Variants in TRIM71 observed in about 807,000 individuals in gnomAD.
TRIM71 encodes the protein tripartite motif containing 71, also known as E3 ubiquitin-protein ligase TRIM71.
In TRIM71, 9 loss-of-function variants were observed where a neutral mutation model predicts 61.2. The ratio of observed to expected loss-of-function variants is 0.15; its 90% confidence interval spans 0.09 to 0.26. The LOEUF (loss-of-function observed/expected upper bound fraction) is 0.26, where lower values mean the gene tolerates loss of function less well. Among genes scored for constraint, TRIM71 ranks in the 10% least tolerant of loss-of-function variants. The pLI is 1.00. For synonymous variants in TRIM71, 645 were observed against 553.2 expected (o/e 1.17, Z -2.33); for missense variants, 998 against 1,238.7 (o/e 0.81, Z 2.92).
At chr3:32,873,691 T>G in intron 1 of TRIM71, 127 bp from the exon 2 acceptor site, 1 of 829,018 alleles carries the variant, frequency 1.2e-6, no homozygotes, top group African/African-American at 1.7e-5. Flanking sequence ...CCTCTCCCTT[T>G]GGGGTGTGCT....
intron 1 of TRIM71, among the ~76,000 whole-genome samples, chr3:32,835,403 CTG>C (rs1696323515): frequency 2.0e-5 from 3 of 152,082 alleles, no homozygotes; most frequent in Admixed American, 1.3e-4. Flanking sequence ...GGTTGGCTCA[CTG>C]TGAACAGAAA....
Position 32,885,922 on chromosome 3 carries a change from T to C in TRIM71, c.1021-12T>C. ...TCTAATGCCTCGAAGTTGTTTCTTT[T>C]TGGTTTTCCAGCTGAGCATCGAGCA... is the stretch of plus-strand genomic sequence containing the variant. On this transcript the variant is annotated splice_polypyrimidine_tract_variant and intron_variant, in intron 2 of 3. Coordinates refer to ENST00000383763, the MANE Select transcript of TRIM71 (RefSeq NM_001039111.3). 6.2e-7 allele frequency: 1 copy of C among 1,608,358 alleles called. No homozygotes were observed. Among genetic ancestry groups the C allele is most frequent in the Non-Finnish European group, 8.5e-7 (1 of 1,178,238 alleles).
chr3:32,843,593 G>A (rs971134802), intron 1 of TRIM71, among the ~76,000 whole-genome samples: 1 of 152,182 alleles, frequency 6.6e-6, no homozygotes, highest in Non-Finnish European at 1.5e-5. Flanking sequence ...TTCCCTGCCA[G>A]CTAATCCCCG....
At chr3:32,876,767 T>G (rs1324683931) in intron 2 of TRIM71, among the ~76,000 whole-genome samples, 1 of 152,138 alleles carries the variant, frequency 6.6e-6, no homozygotes, top group African/African-American at 2.4e-5. Context: ...AAAAATGAGT[T>G]GTAACAATTT....
chr3:32,856,175 G>T (rs879823770), intron 1 of TRIM71, among the ~76,000 whole-genome samples: 1 of 151,956 alleles, frequency 6.6e-6, no homozygotes, highest in African/African-American at 2.4e-5. Flanking sequence ...CCGCCACCAC[G>T]CCCGGCTATT....
At chr3:32,882,582 C>A (rs1216927517) in intron 2 of TRIM71, among the ~76,000 whole-genome samples, 1 of 151,936 alleles carries the variant, frequency 6.6e-6, no homozygotes, top group Non-Finnish European at 1.5e-5. Context: ...CTTGCTCTGT[C>A]ACCCAGGCTG....
rs112115324 is a variant in TRIM71 at position 32,819,479 on chromosome 3, GT to G, written c.852+554del. ...GTGCGCACTTGTGAGGGGAAGACTG[GT>G]TTTTTTGTTGTTGGGACAGCATGGC... On this transcript the variant is annotated intron_variant, in intron 1 of 3. Transcript: ENST00000383763. Among the ~76,000 whole-genome samples the G allele has an allele frequency of 3.5e-3, 539 of 152,322 alleles. 6 individuals are homozygous for G. The highest frequency in any genetic ancestry group is 0.012 in the African/African-American group (486 of 41,570).
intron 1 of TRIM71, among the ~76,000 whole-genome samples, chr3:32,846,362 A>G (rs958057789): frequency 6.6e-6 from 1 of 152,240 alleles, no homozygotes; most frequent in Admixed American, 6.5e-5. Context: ...GGCGTGAGCC[A>G]CTATGCCTGG....
chr3:32,874,095 A>C, intron 2 of TRIM71, 110 bp downstream of exon 2: 1 of 1,179,148 alleles, frequency 8.5e-7, no homozygotes. Flanking sequence ...TGGAATAGTG[A>C]CCCAAATGAG....
At chr3:32,882,592 G>C (rs1559550442) in intron 2 of TRIM71, among the ~76,000 whole-genome samples, 1 of 152,034 alleles carries the variant, frequency 6.6e-6, no homozygotes, top group Non-Finnish European at 1.5e-5. Flanking sequence ...CACCCAGGCT[G>C]GGGGGCGCGG....
chr3:32,886,866 C>T (rs1461483367), intron 3 of TRIM71, among the ~76,000 whole-genome samples: 1 of 152,192 alleles, frequency 6.6e-6, no homozygotes, highest in Non-Finnish European at 1.5e-5. Context: ...CTGGATTTTG[C>T]ATTGCATTTT....
chr3:32,884,540 GAAAA>G (rs11339536), intron 2 of TRIM71, among the ~76,000 whole-genome samples: 1 of 138,446 alleles, frequency 7.2e-6, no homozygotes, highest in Non-Finnish European at 1.6e-5. Context: ...ATCTCTATTT[GAAAA>G]AAAAAAAAAA....
Position 32,818,840 on chromosome 3 carries a change from C to G in TRIM71, c.760C>G (p.Leu254Val), listed in dbSNP as rs1696095074. 4 of 1,611,932 alleles carry G rather than the reference C, an allele frequency of 2.5e-6. No individual in the cohort carries two copies. Among genetic ancestry groups the G allele is most frequent in the East Asian group, 2.2e-5 (1 of 44,842 alleles). The change falls in exon 1 of 4, where the codon CTC becomes GTC. Residue 254 changes from leucine (L) to valine (V), a missense_variant. Physicochemically the swap from Leu to Val is conservative, Grantham distance 32. Around this residue, in one of 5 missense-constraint regions of TRIM71, gnomAD observed 527 missense variants for 427.8 expected, o/e 1.23. Coordinates refer to ENST00000383763, the MANE Select transcript of TRIM71 (RefSeq NM_001039111.3). ...GPGAAAAAQQ[L>V]GLGPPFPGPP... ...CGGTGCCGCAGCAGCGGCGCAGCAG[C>G]TCGGGCTCGGGCCGCCCTTTCCCGG...
At chr3:32,828,639 G>A (rs1244224389) in intron 1 of TRIM71, among the ~76,000 whole-genome samples, 3 of 150,768 alleles carry the variant, frequency 2.0e-5, no homozygotes, top group East Asian at 3.9e-4. Flanking sequence ...TTCTGAGAAG[G>A]TGCATGCCAC....
Position 32,892,015 on chromosome 3 carries a change from T to A in TRIM71, c.*204T>A. On this transcript the variant is annotated 3_prime_UTR_variant, in exon 4 of 4. Transcript: ENST00000383763. ...ATCTTTATTTTTTTACAGATGAATGTACTTATCTTTTCTGCAGGGATTGAG... is the reference window on the plus strand; with the variant it reads ...ATCTTTATTTTTTTACAGATGAATGAACTTATCTTTTCTGCAGGGATTGAG... 1.5e-6 allele frequency: 1 copy of A among 670,530 alleles called. No individual in the cohort carries two copies. Among genetic ancestry groups the A allele is most frequent in the Non-Finnish European group, 2.3e-6 (1 of 430,034 alleles). The allele number at this position is 670,530 out of a possible 1,614,324, so 41.5% of individuals were successfully genotyped here.
chr3:32,886,271 C>G (rs925672125), intron 3 of TRIM71, among the ~76,000 whole-genome samples: 5 of 152,198 alleles, frequency 3.3e-5, no homozygotes, highest in Non-Finnish European at 7.3e-5. Flanking sequence ...CAACAAGAAG[C>G]CTTTTCAGAA....
At chr3:32,843,147 G>A (rs1696431098) in intron 1 of TRIM71, among the ~76,000 whole-genome samples, 2 of 152,174 alleles carry the variant, frequency 1.3e-5, no homozygotes, top group Admixed American at 1.3e-4. Flanking sequence ...AATTGGTCAA[G>A]TCATGCCTTT....
chr3:32,861,513 ACTCC>A (rs1395523338), intron 1 of TRIM71, among the ~76,000 whole-genome samples: 2 of 151,368 alleles, frequency 1.3e-5, no homozygotes, highest in East Asian at 4.1e-4. Context: ...TGGGAGGAAC[ACTCC>A]GGAGTTCAAG....
At chr3:32,884,099 G>A (rs1011862677) in intron 2 of TRIM71, among the ~76,000 whole-genome samples, 3 of 152,088 alleles carry the variant, frequency 2.0e-5, no homozygotes, top group Non-Finnish European at 2.9e-5. Context: ...CTGGAGTCAC[G>A]GGTGGTGTGC....
Sources: allele counts gnomAD v4.1 joint callset (sites outside exome capture counted in the v4.1 genomes callset), GRCh38; gene constraint gnomAD v4.1.1; regional missense constraint gnomAD v4.1.1; transcripts MANE v1.5; gene names NCBI Gene and HGNC (gene_info 2026-07-23, HGNC 2026-07-21).